The following UBE2W variants were observed in gnomAD, a reference collection of about 807,000 sequenced individuals.
UBE2W encodes ubiquitin conjugating enzyme E2 W, also known as ubiquitin-conjugating enzyme E2 W.
A neutral mutation model predicts 27.2 loss-of-function variants in UBE2W; 18 were observed. That is an observed-to-expected ratio of 0.66 (90% confidence interval 0.46 to 0.98). UBE2W has a LOEUF of 0.98. Among genes scored for constraint, UBE2W ranks in the 50% least tolerant of loss-of-function variants. UBE2W has a pLI of 0.00. For synonymous variants in UBE2W, 53 were observed against 57.2 expected, an observed-to-expected ratio of 0.93 and a Z score of 0.33; for missense variants, 90 against 180.2, an observed-to-expected ratio of 0.50 and a Z score of 2.87.
At chr8:73,842,811 G>A (rs1810601493) in intron 1 of UBE2W, among the ~76,000 whole-genome samples, 1 of 152,024 alleles carries the variant, frequency 6.6e-6, no homozygotes, top group African/African-American at 2.4e-5. Context: ...CAAAAATGTA[G>A]AAGTGTATTT....
intron 1 of UBE2W, among the ~76,000 whole-genome samples, chr8:73,836,209 T>G (rs1810303441): frequency 6.6e-6 from 1 of 152,056 alleles, no homozygotes; most frequent in Non-Finnish European, 1.5e-5. Context: ...GACCATGCTT[T>G]TTTACTGAGG....
intron 1 of UBE2W, among the ~76,000 whole-genome samples, chr8:73,850,797 A>G (rs1811044486): frequency 1.3e-5 from 2 of 150,382 alleles, no homozygotes; most frequent in South Asian, 4.2e-4. Context: ...TTTATTCCTT[A>G]AGCAATGTGA....
At chr8:73,858,160 A>G (rs1356037488) in intron 1 of UBE2W, among the ~76,000 whole-genome samples, 1 of 152,178 alleles carries the variant, frequency 6.6e-6, no homozygotes, top group Non-Finnish European at 1.5e-5. Flanking sequence ...CAGGGGTTCA[A>G]GACCAGCCTG....
At chr8:73,794,200 T>G in intron 5 of UBE2W, 85 bp from the exon 6 acceptor site, 1 of 1,506,334 alleles carries the variant, frequency 6.6e-7, no homozygotes, top group South Asian at 1.2e-5. Flanking sequence ...AGAAATAATT[T>G]CAATTAGCAA....
Position 73,790,700 on chromosome 8 carries a change from G to A in UBE2W, c.*3402C>T, listed in dbSNP as rs886107529. 1.3e-5 allele frequency: 13 copies of A among 979,080 alleles called. No homozygotes were observed. The highest frequency in any genetic ancestry group is 1.8e-5 in the African/African-American group (1 of 57,034). 60.6% of individuals were successfully genotyped at this position (979,080 alleles called of 1,614,324 possible). A position where few individuals can be genotyped will look rare whatever the true frequency, so the allele number is the denominator to read the frequency against. ...TATTTTTAGGAAGAAGTTATAACAA[G>A]TTTTAAATATCTCAATTCTGAAAAA... On this transcript the variant is annotated 3_prime_UTR_variant, in exon 6 of 6. Transcript: ENST00000602593.
rs940055409 is a variant in UBE2W, at chr8:73,792,172, T to C, written c.*1930A>G. 12 of 985,388 alleles carry C rather than the reference T, an allele frequency of 1.2e-5. No individual in the cohort carries two copies. Among genetic ancestry groups the C allele is most frequent in the African/African-American group, 1.7e-5 (1 of 57,248 alleles). 61.0% of individuals were successfully genotyped at this position (985,388 alleles called of 1,614,324 possible). On this transcript the variant is annotated 3_prime_UTR_variant, in exon 6 of 6. Coordinates refer to ENST00000602593, the MANE Select transcript of UBE2W (RefSeq NM_018299.6). ...ATTAAAAGCAGTTTAAAACTATGAG[T>C]AATTCAAAGACTTTCTGTCTTGGTT...
At chr8:73,844,868 G>A (rs1014594193) in intron 1 of UBE2W, among the ~76,000 whole-genome samples, 3 of 149,180 alleles carry the variant, frequency 2.0e-5, no homozygotes, top group Middle Eastern at 3.9e-3. Flanking sequence ...GAGCGTCTCC[G>A]ACGGGCCACC....
At chr8:73,877,794 G>A (rs948286368) in intron 1 of UBE2W, among the ~76,000 whole-genome samples, 3 of 152,072 alleles carry the variant, frequency 2.0e-5, no homozygotes, top group African/African-American at 7.2e-5. Flanking sequence ...TACAGATAAC[G>A]CACTCAATCC....
chr8:73,854,997 A>C (rs370970002), intron 1 of UBE2W, among the ~76,000 whole-genome samples: 394 of 152,370 alleles, frequency 2.6e-3, no homozygotes, highest in African/African-American at 8.6e-3. Context: ...TCATCTGTTT[A>C]TAAGATGGAA....
At chr8:73,826,794 GAAGATAA>G (rs1317650768) in intron 2 of UBE2W, among the ~76,000 whole-genome samples, 1 of 152,184 alleles carries the variant, frequency 6.6e-6, no homozygotes, top group Non-Finnish European at 1.5e-5. Flanking sequence ...TAATAAAACA[GAAGATAA>G]TCACCTCATA....
Position 73,848,245 on chromosome 8 carries a change from C to T in UBE2W, c.16-17773G>A, listed in dbSNP as rs374219979. On this transcript the variant is annotated intron_variant, in intron 1 of 5. Coordinates refer to ENST00000602593, the MANE Select transcript of UBE2W (RefSeq NM_018299.6). ...ATAAATAATTGGTAAATTGTATATT[C>T]ATACATGGCAATAAAAGTGAATTAC... Among the ~76,000 whole-genome samples, 7 of 152,096 alleles carry T rather than the reference C, an allele frequency of 4.6e-5. No individual in the cohort carries two copies. In the East Asian group the frequency reaches 1.3e-3, roughly 29 times the overall value.
downstream of UBE2W, among the ~76,000 whole-genome samples, chr8:73,784,623 C>A (rs1807901927): frequency 6.6e-6 from 1 of 152,188 alleles, no homozygotes; most frequent in African/African-American, 2.4e-5. Context: ...CACTGCCAGT[C>A]AGGGACCACA....
rs192629589 is a variant in UBE2W at position 73,793,770 on chromosome 8, C to T, written c.*332G>A. Reference sequence around the variant, plus strand: ...TTGCCGGCAATGAACGTACCAAAACCGCCAAGGAAGTCATTGTTATTGCAC... The same window carrying T: ...TTGCCGGCAATGAACGTACCAAAACTGCCAAGGAAGTCATTGTTATTGCAC... On this transcript the variant is annotated 3_prime_UTR_variant, in exon 6 of 6. Transcript: ENST00000602593. The T allele has an allele frequency of 5.1e-5, 53 of 1,047,214 alleles. No homozygotes were observed. In the South Asian group the frequency reaches 2.0e-3, roughly 40 times the overall value. 64.9% of individuals were successfully genotyped at this position (1,047,214 alleles called of 1,614,324 possible).
chr8:73,870,092 G>C (rs1352547134), intron 1 of UBE2W, among the ~76,000 whole-genome samples: 4 of 152,156 alleles, frequency 2.6e-5, no homozygotes, highest in Admixed American at 1.3e-4. Context: ...GTTCTGAACA[G>C]ATTAAAAACC....
intron 4 of UBE2W, among the ~76,000 whole-genome samples, chr8:73,808,978 A>T (rs1264170950): frequency 6.6e-6 from 1 of 152,254 alleles, no homozygotes; most frequent in Non-Finnish European, 1.5e-5. Context: ...GACTATGTAC[A>T]GATATCGCTG....
chr8:73,832,096 C>T (rs1328512012), intron 1 of UBE2W: 1 of 148,574 alleles, frequency 6.7e-6, no homozygotes, highest in Non-Finnish European at 1.5e-5. Context: ...CATAGTGAGA[C>T]CCTGTCTCTA....
At chr8:73,822,458 C>T (rs1348864896) in intron 3 of UBE2W, among the ~76,000 whole-genome samples, 1 of 151,834 alleles carries the variant, frequency 6.6e-6, no homozygotes, top group Non-Finnish European at 1.5e-5. Flanking sequence ...AAGAAATAGC[C>T]AATCATCTGT....
At chr8:73,838,598 G>A (rs1333651106) in intron 1 of UBE2W, among the ~76,000 whole-genome samples, 1 of 152,140 alleles carries the variant, frequency 6.6e-6, no homozygotes. Flanking sequence ...GAGATGACAC[G>A]GGTTCAGTTC....
chr8:73,858,178 T>C (rs1811382185), intron 1 of UBE2W, among the ~76,000 whole-genome samples: 1 of 151,980 alleles, frequency 6.6e-6, no homozygotes, highest in African/African-American at 2.4e-5. Flanking sequence ...CTGGCCAACA[T>C]GGTGAAACCC....
Sources: allele counts gnomAD v4.1 joint callset (sites outside exome capture counted in the v4.1 genomes callset), GRCh38; gene constraint gnomAD v4.1.1; transcripts MANE v1.5; gene names NCBI Gene and HGNC (gene_info 2026-07-23, HGNC 2026-07-21).